The following LRRC28 variants were observed in gnomAD, a reference collection of about 807,000 sequenced individuals.
The protein encoded by LRRC28 is leucine rich repeat containing 28, also known as leucine-rich repeat-containing protein 28.
In LRRC28, 39 loss-of-function variants were observed where a neutral mutation model predicts 45.7. The observed-to-expected ratio is 0.85, with a 90% CI of 0.66 to 1.12. The LOEUF is 1.12. Among genes scored for constraint, LRRC28 ranks in the 50% most tolerant of loss-of-function variants. The pLI, the probability that LRRC28 is intolerant of heterozygous loss-of-function variation, is 0.00. For synonymous variants in LRRC28, 206 were observed against 178.8 expected (o/e 1.15, Z -1.22); for missense variants, 435 against 438.5 (o/e 0.99, Z 0.07).
intron 3 of LRRC28, among the ~76,000 whole-genome samples, chr15:99,284,191 AT>A (rs1250989231): frequency 6.6e-6 from 1 of 152,166 alleles, no homozygotes; most frequent in Non-Finnish European, 1.5e-5. Flanking sequence ...TTGAGTTGAG[AT>A]GGTGTTTCAC....
At chr15:99,347,395 G>A (rs1354379484) in intron 6 of LRRC28, among the ~76,000 whole-genome samples, 1 of 152,168 alleles carries the variant, frequency 6.6e-6, no homozygotes, top group African/African-American at 2.4e-5. Flanking sequence ...ATTTTTAGTA[G>A]AGACGGTTCC....
At chr15:99,367,822 A>G (rs1336478990) in intron 9 of LRRC28, among the ~76,000 whole-genome samples, 1 of 152,150 alleles carries the variant, frequency 6.6e-6, no homozygotes, top group African/African-American at 2.4e-5. Context: ...TTACATAGAC[A>G]TGATTAATTA....
chr15:99,358,469 A>C (rs566947007), intron 7 of LRRC28, among the ~76,000 whole-genome samples: 1 of 151,642 alleles, frequency 6.6e-6, no homozygotes, highest in East Asian at 1.9e-4. Context: ...ATGATAACTG[A>C]GAATTGCAAG....
intron 3 of LRRC28, chr15:99,285,299 T>C: frequency 1.4e-6 from 1 of 739,506 alleles, no homozygotes; most frequent in African/African-American, 1.7e-5. Context: ...TCTTTGAGAA[T>C]CTTCTCTTGA....
chr15:99,274,109 C>CA (rs1261610845), intron 2 of LRRC28, among the ~76,000 whole-genome samples: 1 of 152,008 alleles, frequency 6.6e-6, no homozygotes, highest in Non-Finnish European at 1.5e-5. Context: ...AAATATGGGG[C>CA]AAAAAGAATC....
At chr15:99,339,665 C>T (rs776376508) in intron 6 of LRRC28, among the ~76,000 whole-genome samples, 3 of 149,916 alleles carry the variant, frequency 2.0e-5, no homozygotes, top group Non-Finnish European at 4.4e-5. Flanking sequence ...CGGGAGGTTG[C>T]AGTGAGCCGA....
At chr15:99,361,059 G>T in intron 7 of LRRC28, 1 of 264,458 alleles carries the variant, frequency 3.8e-6, no homozygotes, top group Non-Finnish European at 7.0e-6. Flanking sequence ...AAAGCAAATT[G>T]TGTACGGCCT....
intron 9 of LRRC28, among the ~76,000 whole-genome samples, chr15:99,364,193 G>T (rs1957282281): frequency 6.6e-6 from 1 of 152,190 alleles, no homozygotes; most frequent in South Asian, 2.1e-4. Flanking sequence ...CCCTTCTGTT[G>T]TGAGAACGTG....
intron 1 of LRRC28, among the ~76,000 whole-genome samples, chr15:99,255,087 T>A (rs2080976581): frequency 6.6e-6 from 1 of 152,242 alleles, no homozygotes; most frequent in Non-Finnish European, 1.5e-5. Context: ...CGAGGCATCG[T>A]GGCTCATGAC....
chr15:99,272,086 T>C (rs756843985), intron 2 of LRRC28, among the ~76,000 whole-genome samples: 1 of 152,230 alleles, frequency 6.6e-6, no homozygotes, highest in Non-Finnish European at 1.5e-5. Context: ...TGGTCCAAAT[T>C]CATTCTGCTT....
chr15:99,258,928 C>G, intron 2 of LRRC28: 1 of 726,616 alleles, frequency 1.4e-6, no homozygotes, highest in Non-Finnish European at 2.6e-6. Flanking sequence ...GTGTGGTGGA[C>G]TCAGGTGGTC....
chr15:99,266,422 TG>T (rs2081333812), intron 2 of LRRC28, among the ~76,000 whole-genome samples: 2 of 152,068 alleles, frequency 1.3e-5, no homozygotes, highest in African/African-American at 4.8e-5. Context: ...GAGGATCATG[TG>T]AGCCCAGGAG....
intron 3 of LRRC28, among the ~76,000 whole-genome samples, chr15:99,281,567 G>C (rs2081792971): frequency 6.6e-6 from 1 of 152,020 alleles, no homozygotes; most frequent in South Asian, 2.1e-4. Flanking sequence ...GTGTCATACT[G>C]GTTCTATTTG....
At chr15:99,281,548 CTGTCATCTG>C in intron 3 of LRRC28, among the ~76,000 whole-genome samples, 1 of 152,232 alleles carries the variant, frequency 6.6e-6, no homozygotes, top group Non-Finnish European at 1.5e-5. Context: ...TTTGCTAATT[CTGTCATCTG>C]TGTCATACTG....
At chr15:99,276,036 A>G (rs7172501) in intron 2 of LRRC28, among the ~76,000 whole-genome samples, 14,509 of 150,460 alleles carry the variant, frequency 0.096, 978 homozygotes, top group East Asian at 0.32. Context: ...CATAGCACAA[A>G]CCCTATTGTG....
chr15:99,349,302 TG>T (rs1266122144), intron 6 of LRRC28, among the ~76,000 whole-genome samples: 1 of 152,186 alleles, frequency 6.6e-6, no homozygotes, highest in African/African-American at 2.4e-5. Context: ...GATCTTTTTT[TG>T]GTGTACTGGA....
intron 2 of LRRC28, among the ~76,000 whole-genome samples, chr15:99,274,588 A>G (rs1159930092): frequency 6.6e-6 from 1 of 152,162 alleles, no homozygotes; most frequent in Non-Finnish European, 1.5e-5. Flanking sequence ...TTCAATTTTA[A>G]TTTTTTCAAT....
chr15:99,375,899 T>C (rs1465034683), intron 9 of LRRC28, among the ~76,000 whole-genome samples: 1 of 152,092 alleles, frequency 6.6e-6, no homozygotes, highest in African/African-American at 2.4e-5. Context: ...TTATTCATAA[T>C]CCTAGTGATT....
Position 99,289,237 on chromosome 15 carries a change from A to C in LRRC28, c.385+1286A>C, listed in dbSNP as rs554495664. Reference sequence around the variant, plus strand: ...ATTCCACTGTCATATATGGTTTCCTATATTAAAAAAAGATAGATAATTAAA... The same window carrying C: ...ATTCCACTGTCATATATGGTTTCCTCTATTAAAAAAAGATAGATAATTAAA... On this transcript the variant is annotated intron_variant, in intron 5 of 9. Coordinates refer to ENST00000301981, the MANE Select transcript of LRRC28 (RefSeq NM_144598.5). Among the ~76,000 whole-genome samples the C allele has an allele frequency of 1.9e-3, 289 of 152,324 alleles. 2 individuals are homozygous for C. Among genetic ancestry groups the C allele is most frequent in the South Asian group, 0.013 (62 of 4,822 alleles).
Sources: allele counts gnomAD v4.1 joint callset (sites outside exome capture counted in the v4.1 genomes callset), GRCh38; gene constraint gnomAD v4.1.1; transcripts MANE v1.5; gene names NCBI Gene and HGNC (gene_info 2026-07-23, HGNC 2026-07-21).